Variants in NFE2L3 observed in about 807,000 individuals in gnomAD.
NFE2L3 encodes NFE2 like bZIP transcription factor 3.
NFE2L3 carries 18 observed loss-of-function variants against 23.5 expected under a neutral mutation model. The ratio of observed to expected loss-of-function variants is 0.77; its 90% CI spans 0.53 to 1.13. The LOEUF is 1.13. Among genes scored for constraint, NFE2L3 ranks in the 50% most tolerant of loss-of-function variants. NFE2L3 has a pLI of 0.00. For synonymous variants in NFE2L3, 424 were observed against 354.5 expected (o/e 1.20, Z -2.20); for missense variants, 1,152 against 877.2 (o/e 1.31, Z -3.96).
rs1241060380 is a variant in NFE2L3 at position 26,186,608 on chromosome 7, G to T, written c.*825G>T. ...GCTACTTGCAAAAACGTAACTCCTTGTGTGTATATTAAATCCATAAAATCT... is the reference window on the plus strand; with the variant it reads ...GCTACTTGCAAAAACGTAACTCCTTTTGTGTATATTAAATCCATAAAATCT... On this transcript the variant is annotated 3_prime_UTR_variant, in exon 4 of 4. Transcript: ENST00000056233. 1 of 152,174 alleles carries T rather than the reference G, an allele frequency of 6.6e-6. No homozygotes were observed. The highest frequency in any genetic ancestry group is 2.4e-5 in the African/African-American group (1 of 41,438). 9.4% of individuals were successfully genotyped at this position (152,174 alleles called of 1,614,324 possible).
chr7:26,153,591 T>C (rs1420950085), intron 1 of NFE2L3, among the ~76,000 whole-genome samples: 1 of 152,216 alleles, frequency 6.6e-6, no homozygotes, highest in Non-Finnish European at 1.5e-5. Context: ...CAGGGTCTAT[T>C]CAGAGGCCAG....
intron 1 of NFE2L3, among the ~76,000 whole-genome samples, chr7:26,155,481 C>A (rs1784067292): frequency 6.6e-6 from 1 of 152,020 alleles, no homozygotes; most frequent in Non-Finnish European, 1.5e-5. Flanking sequence ...AAACTAGAAG[C>A]CTAGGTTAGG....
At chr7:26,169,308 T>C (rs1459056117) in intron 1 of NFE2L3, among the ~76,000 whole-genome samples, 1 of 152,206 alleles carries the variant, frequency 6.6e-6, no homozygotes, top group African/African-American at 2.4e-5. Flanking sequence ...GATCAATAAC[T>C]GGAGACAGGC....
Position 26,187,126 on chromosome 7 carries a change from T to G in NFE2L3, c.*1343T>G, listed in dbSNP as rs572748346. On this transcript the variant is annotated 3_prime_UTR_variant, in exon 4 of 4. Transcript: ENST00000056233. Reference sequence around the variant, plus strand: ...TAATAAAGTTTCCCAAGACCTGTTATTTTGCCAGAAATGCTTCTAGTATGC... The same window carrying G: ...TAATAAAGTTTCCCAAGACCTGTTAGTTTGCCAGAAATGCTTCTAGTATGC... 3.3e-5 allele frequency: 5 copies of G among 152,364 alleles called. No homozygotes were observed. The South Asian group carries it at 1.0e-3, about 32-fold the overall frequency. The allele number at this position is 152,364 out of a possible 1,614,324, so 9.4% of individuals were successfully genotyped here.
intron 1 of NFE2L3, among the ~76,000 whole-genome samples, chr7:26,154,122 T>C (rs1192630420): frequency 6.6e-6 from 1 of 152,164 alleles, no homozygotes; most frequent in Non-Finnish European, 1.5e-5. Context: ...GGAGGGGTCA[T>C]TGTGTGGAAG....
intron 2 of NFE2L3, among the ~76,000 whole-genome samples, chr7:26,180,721 A>C (rs1034967620): frequency 3.3e-5 from 5 of 152,036 alleles, no homozygotes; most frequent in African/African-American, 4.8e-5. Flanking sequence ...ATTCACTGCT[A>C]GGCACAGACT....
At chr7:26,164,545 T>A (rs1335261258) in intron 1 of NFE2L3, among the ~76,000 whole-genome samples, 90 of 152,200 alleles carry the variant, frequency 5.9e-4, no homozygotes, top group Non-Finnish European at 3.4e-4. Context: ...TCTTTGTAGA[T>A]TCTGGATATT....
At chr7:26,155,534 A>G (rs921079615) in intron 1 of NFE2L3, among the ~76,000 whole-genome samples, 3 of 152,184 alleles carry the variant, frequency 2.0e-5, no homozygotes, top group African/African-American at 4.8e-5. Context: ...GAGAGACCAG[A>G]GCCTGAGTCT....
intron 2 of NFE2L3, among the ~76,000 whole-genome samples, chr7:26,182,788 A>G (rs1024100732): frequency 4.6e-5 from 7 of 152,114 alleles, no homozygotes; most frequent in East Asian, 1.9e-4. Context: ...GTAAATGTAA[A>G]TAAGTATTGA....
chr7:26,179,853 A>G (rs982412245), intron 2 of NFE2L3, among the ~76,000 whole-genome samples: 1 of 152,144 alleles, frequency 6.6e-6, no homozygotes, highest in African/African-American at 2.4e-5. Context: ...CACGCGATAC[A>G]TTTAAATATT....
chr7:26,185,644 T>G lies in NFE2L3; in HGVS notation c.1946T>G (p.Leu649Ter). ...CTTTATCATGATATTTTTAGTAGATTAAGAGATGACCAAGGTAGGCCAGTC... is the reference window on the plus strand; with the variant it reads ...CTTTATCATGATATTTTTAGTAGATGAAGAGATGACCAAGGTAGGCCAGTC... ...HDLYHDIFSR[L>*]RDDQGRPVNP... The change falls in exon 4 of 4, where the codon TTA (leucine) becomes TGA (stop). Residue 649 changes from leucine to a stop codon, truncating the protein, a stop_gained. Coordinates refer to ENST00000056233, the MANE Select transcript of NFE2L3 (RefSeq NM_004289.7). LOFTEE classifies it high-confidence loss of function. The G allele has an allele frequency of 1.2e-6, 2 of 1,613,866 alleles. No homozygotes were observed. The highest frequency in any genetic ancestry group is 8.5e-7 in the Non-Finnish European group (1 of 1,179,816).
chr7:26,173,686 A>C (rs530100004), intron 1 of NFE2L3: 1 of 152,324 alleles, frequency 6.6e-6, no homozygotes, highest in South Asian at 2.1e-4. Flanking sequence ...GGAAAGAACA[A>C]TCTATCAGAA....
intron 1 of NFE2L3, among the ~76,000 whole-genome samples, chr7:26,171,663 C>G (rs900754217): frequency 3.9e-5 from 6 of 152,020 alleles, no homozygotes; most frequent in African/African-American, 1.4e-4. Context: ...ACATAGCTAG[C>G]TAGCTCTTTC....
Position 26,184,905 on chromosome 7 carries a change from T to G in NFE2L3, c.1207T>G (p.Phe403Val). The G allele has an allele frequency of 6.2e-7, 1 of 1,613,980 alleles. No homozygotes were observed. Among genetic ancestry groups the G allele is most frequent in the South Asian group, 1.1e-5 (1 of 91,076 alleles). Residue 403 changes from phenylalanine (F) to valine (V), a missense_variant, in exon 4 of 4, where the codon TTT becomes GTT. Coordinates refer to ENST00000056233, the MANE Select transcript of NFE2L3 (RefSeq NM_004289.7). ...NLMSLATEDN[F>V]DPIDVSQLFD... Reference sequence around the variant, plus strand: ...AATGTCATTGGCCACAGAAGACAACTTTGATCCAATCGATGTTTCTCAGCT... The same window carrying G: ...AATGTCATTGGCCACAGAAGACAACGTTGATCCAATCGATGTTTCTCAGCT...
In NFE2L3 at chr7:26,185,012, T is replaced by C. The variant is rs370483288; in HGVS notation, c.1314T>C (p.Ser438=). ...CCTCTGTCATCAAGTCTAATTCCTCTCACTCTGTGTGTGATGAAGGTGCTA... is the reference window on the plus strand; with the variant it reads ...CCTCTGTCATCAAGTCTAATTCCTCCCACTCTGTGTGTGATGAAGGTGCTA... The part of the protein sequence containing the change: ...NNTSVIKSNS[S]HSVCDEGAIG... The change falls in exon 4 of 4, where the codon TCT becomes TCC. Residue 438 remains serine, a synonymous_variant. Transcript: ENST00000056233. 55 of 1,613,716 alleles carry C rather than the reference T, an allele frequency of 3.4e-5. No individual in the cohort carries two copies. In the Middle Eastern group the frequency reaches 6.6e-4, roughly 19 times the overall value.
At chr7:26,183,529 G>C (rs73093889) in intron 2 of NFE2L3, among the ~76,000 whole-genome samples, 172 bp from the exon 3 acceptor site, 4,490 of 151,498 alleles carry the variant, frequency 0.03, 92 homozygotes, top group South Asian at 0.051. Flanking sequence ...TTCTGGGCCA[G>C]AGTGAGATCC....
At chr7:26,176,031 G>C (rs1467112581) in intron 1 of NFE2L3, among the ~76,000 whole-genome samples, 1 of 151,552 alleles carries the variant, frequency 6.6e-6, no homozygotes. Context: ...TTGTGTCCCT[G>C]GGTACTTGAG....
intron 2 of NFE2L3, 58 bp from the exon 3 acceptor site, chr7:26,183,643 A>G (rs1782389335): frequency 2.8e-6 from 3 of 1,057,878 alleles, no homozygotes; most frequent in Non-Finnish European, 4.4e-6. Flanking sequence ...ATAAAGCCTA[A>G]AGCCCCAACC....
chr7:26,172,311 A>T (rs776130930), intron 1 of NFE2L3, among the ~76,000 whole-genome samples: 1 of 152,230 alleles, frequency 6.6e-6, no homozygotes, highest in Non-Finnish European at 1.5e-5. Context: ...TGGCATATAT[A>T]TACCCTTTAC....
Sources: allele counts gnomAD v4.1 joint callset (sites outside exome capture counted in the v4.1 genomes callset), GRCh38; gene constraint gnomAD v4.1.1; transcripts MANE v1.5; gene names NCBI Gene and HGNC (gene_info 2026-07-23, HGNC 2026-07-21).